Variants in CCSER1 observed in about 807,000 individuals in gnomAD.
CCSER1 encodes serine-rich coiled-coil domain-containing protein 1.
In CCSER1, 41 loss-of-function variants were observed where a neutral mutation model predicts 82.0. That is an observed-to-expected ratio of 0.50 (90% CI 0.39 to 0.65). CCSER1 has a LOEUF of 0.65. Ranked by LOEUF, CCSER1 falls within the 30% of genes least tolerant of loss-of-function variation. The pLI is 0.00. For missense variants in CCSER1, 1,119 were observed against 1,064.2 expected, an observed-to-expected ratio of 1.05 and a Z score of -0.72; for synonymous variants, 414 against 383.9, an observed-to-expected ratio of 1.08 and a Z score of -0.92.
intron 10 of CCSER1, among the ~76,000 whole-genome samples, chr4:91,237,600 G>T (rs1031335813): frequency 6.6e-6 from 1 of 151,932 alleles, no homozygotes; most frequent in African/African-American, 2.4e-5. Context: ...TAACTCATTC[G>T]TCTCTATTCT....
At chr4:90,887,753 G>A (rs530332173) in intron 8 of CCSER1, among the ~76,000 whole-genome samples, 4 of 152,140 alleles carry the variant, frequency 2.6e-5, no homozygotes, top group Admixed American at 1.3e-4. Flanking sequence ...GTGGTGGTGC[G>A]CACCTGTAGT....
chr4:90,759,733 G>A (rs753454892), intron 7 of CCSER1, among the ~76,000 whole-genome samples: 1 of 152,046 alleles, frequency 6.6e-6, no homozygotes. Context: ...TGGTTTTCAC[G>A]ATCTGATACT....
chr4:91,112,289 C>T (rs1158065952), intron 10 of CCSER1, among the ~76,000 whole-genome samples: 1 of 151,796 alleles, frequency 6.6e-6, no homozygotes, highest in Non-Finnish European at 1.5e-5. Flanking sequence ...TTTTTTGACA[C>T]TTTTTTTTCT....
chr4:90,749,627 G>A (rs1748214602), intron 7 of CCSER1, among the ~76,000 whole-genome samples: 4 of 152,144 alleles, frequency 2.6e-5, no homozygotes, highest in South Asian at 2.1e-4. Flanking sequence ...ATTACCTTGG[G>A]CAGTATGGCC....
chr4:90,337,961 A>G (rs1740716074), intron 3 of CCSER1, among the ~76,000 whole-genome samples: 1 of 152,208 alleles, frequency 6.6e-6, no homozygotes, highest in African/African-American at 2.4e-5. Context: ...TAGCCCACAC[A>G]TAGATATGTT....
At position 90,888,379 on chromosome 4, in the gene CCSER1, A is replaced by G. The variant is rs377134037; in HGVS notation, c.2095-34991A>G. ...TCGAGTACCCTTCCTTGATTTAAAT[A>G]TACTTTGAAAGGGCAAGAGTAGAAA... On this transcript the variant is annotated intron_variant, in intron 8 of 10. Coordinates refer to ENST00000509176, the MANE Select transcript of CCSER1 (RefSeq NM_001145065.2). 8.4e-4 allele frequency among the ~76,000 whole-genome samples: 127 copies of G among 151,774 alleles called. 1 individual carries two copies. Among genetic ancestry groups the G allele is most frequent in the African/African-American group, 3.0e-3 (125 of 41,518 alleles).
intron 1 of CCSER1, among the ~76,000 whole-genome samples, chr4:90,129,934 ATGTAATTGATGAAC>A (rs1722526751): frequency 6.6e-6 from 1 of 152,256 alleles, no homozygotes; most frequent in South Asian, 2.1e-4. Flanking sequence ...GAATTAAAAA[ATGTAATTGATGAAC>A]TGTATTATTG....
At chr4:91,269,076 T>C (rs1741832208) in intron 10 of CCSER1, among the ~76,000 whole-genome samples, 1 of 152,220 alleles carries the variant, frequency 6.6e-6, no homozygotes, top group Non-Finnish European at 1.5e-5. Flanking sequence ...TAAAGGCACT[T>C]TGGCCTTGCA....
intron 4 of CCSER1, among the ~76,000 whole-genome samples, chr4:90,457,982 G>T (rs1762402048): frequency 6.6e-6 from 1 of 152,254 alleles, no homozygotes; most frequent in East Asian, 1.9e-4. Context: ...TGGTGTGTCG[G>T]TGCCACCCTG....
chr4:91,532,018 AC>A (rs1182968453), intron 10 of CCSER1, among the ~76,000 whole-genome samples: 1 of 152,134 alleles, frequency 6.6e-6, no homozygotes, highest in Non-Finnish European at 1.5e-5. Context: ...AGGCCTACAA[AC>A]AATGACATAT....
At chr4:90,819,257 C>A (rs761151253) in intron 8 of CCSER1, among the ~76,000 whole-genome samples, 1 of 152,076 alleles carries the variant, frequency 6.6e-6, no homozygotes, top group Non-Finnish European at 1.5e-5. Context: ...ACCTCATGGC[C>A]TCATCAAAAC....
chr4:91,311,749 A>G (rs978793175), intron 10 of CCSER1, among the ~76,000 whole-genome samples: 1 of 151,984 alleles, frequency 6.6e-6, no homozygotes, highest in African/African-American at 2.4e-5. Context: ...TAGCTTACAT[A>G]TTTGCAATAC....
At chr4:91,246,843 C>CACACAT (rs1466677823) in intron 10 of CCSER1, among the ~76,000 whole-genome samples, 12 of 151,770 alleles carry the variant, frequency 7.9e-5, no homozygotes, top group Non-Finnish European at 1.8e-4. Context: ...CACACACACA[C>CACACAT]ACACACACAC....
chr4:90,970,369 T>C (rs530355341), intron 9 of CCSER1, among the ~76,000 whole-genome samples: 1 of 152,092 alleles, frequency 6.6e-6, no homozygotes, highest in South Asian at 2.1e-4. Context: ...AATGTCATTA[T>C]ATAATGAGAA....
intron 4 of CCSER1, among the ~76,000 whole-genome samples, chr4:90,439,187 C>T (rs1759495294): frequency 6.6e-6 from 1 of 152,032 alleles, no homozygotes; most frequent in Non-Finnish European, 1.5e-5. Context: ...CTCGGGAGTG[C>T]TGAGGCAGGA....
chr4:91,443,173 CAT>C (rs1755307891), intron 10 of CCSER1, among the ~76,000 whole-genome samples: 1 of 152,056 alleles, frequency 6.6e-6, no homozygotes. Context: ...CACATGCACA[CAT>C]ATGTTTATTG....
At chr4:90,349,866 GT>G (rs1322117440) in intron 3 of CCSER1, among the ~76,000 whole-genome samples, 6 of 87,404 alleles carry the variant, frequency 6.9e-5, no homozygotes, top group Non-Finnish European at 8.4e-5. Flanking sequence ...GGCATAGTGA[GT>G]TTAAGTAAAG....
intron 1 of CCSER1, among the ~76,000 whole-genome samples, chr4:90,251,933 CTA>C (rs1169554020): frequency 1.3e-5 from 2 of 151,696 alleles, no homozygotes; most frequent in Non-Finnish European, 3.0e-5. Flanking sequence ...TATTGTTTTT[CTA>C]TGTTTTATTT....
intron 3 of CCSER1, among the ~76,000 whole-genome samples, chr4:90,319,468 G>A (rs1300691941): frequency 1.3e-5 from 2 of 152,038 alleles, no homozygotes; most frequent in African/African-American, 2.4e-5. Flanking sequence ...TGGCTAACAC[G>A]GTGAAACCCT....
Sources: gnomAD v4.1 joint callset for allele counts (sites outside exome capture counted in the v4.1 genomes callset) on GRCh38, gnomAD v4.1.1 for gene constraint, MANE v1.5 for transcripts, NCBI Gene and HGNC (gene_info 2026-07-23, HGNC 2026-07-21) for gene names.